The following SPOCK1 variants were observed in gnomAD, a reference collection of about 807,000 sequenced individuals.
SPOCK1 encodes the protein SPARC (osteonectin), cwcv and kazal like domains proteoglycan 1.
In SPOCK1, 23 loss-of-function variants were observed where a neutral mutation model predicts 55.3. That is an observed-to-expected ratio of 0.42 (90% CI 0.30 to 0.59). SPOCK1 has a LOEUF of 0.59. SPOCK1 is among the 20% of genes least tolerant of loss of function. SPOCK1 has a pLI of 0.22. For missense variants in SPOCK1, 499 were observed against 552.5 expected (o/e 0.90, Z 0.97); for synonymous variants, 226 against 221.0 (o/e 1.02, Z -0.20).
intron 2 of SPOCK1, among the ~76,000 whole-genome samples, chr5:137,393,472 G>A (rs764077085): frequency 2.0e-5 from 3 of 152,234 alleles, no homozygotes; most frequent in Non-Finnish European, 2.9e-5. Flanking sequence ...GCCAAGGTGA[G>A]TCAACCCTAG....
chr5:137,317,843 G>A (rs1194665649), intron 2 of SPOCK1, among the ~76,000 whole-genome samples: 7 of 152,176 alleles, frequency 4.6e-5, no homozygotes, highest in African/African-American at 1.7e-4. Flanking sequence ...TCCATCAGAT[G>A]AAACTAGTTT....
intron 5 of SPOCK1, among the ~76,000 whole-genome samples, chr5:137,106,951 G>A (rs1044764498): frequency 7.9e-5 from 12 of 151,638 alleles, no homozygotes; most frequent in African/African-American, 1.5e-4. Context: ...TCACCTCTTC[G>A]ACCCCCTCCT....
At chr5:137,167,885 C>CA (rs1350085314) in intron 3 of SPOCK1, among the ~76,000 whole-genome samples, 2 of 151,758 alleles carry the variant, frequency 1.3e-5, no homozygotes, top group East Asian at 1.9e-4. Flanking sequence ...AGAAAAATGT[C>CA]AAAAAACAAC....
At position 137,430,061 on chromosome 5, in the gene SPOCK1, G is replaced by A. The variant is rs1036075010; in HGVS notation, c.186+68312C>T. On this transcript the variant is annotated intron_variant, in intron 2 of 10. Coordinates refer to ENST00000394945, the MANE Select transcript of SPOCK1 (RefSeq NM_004598.4). ...GCAGGAGAGCATTTCATATTGAGCA[G>A]TTGCTGCTCCCCCAGGCAGCTGGTA... 2.0e-5 allele frequency among the ~76,000 whole-genome samples: 3 copies of A among 152,200 alleles called. 1 individual carries two copies. In the South Asian group the frequency reaches 6.2e-4, roughly 32 times the overall value.
intron 3 of SPOCK1, among the ~76,000 whole-genome samples, chr5:137,258,595 C>G (rs902241138): frequency 6.6e-6 from 1 of 152,184 alleles, no homozygotes; most frequent in Non-Finnish European, 1.5e-5. Context: ...CAAACCAAGG[C>G]TGGTTCATTA....
chr5:137,226,948 A>T lies in SPOCK1; in HGVS notation c.232+40062T>A, dbSNP rs539318235. Among the ~76,000 whole-genome samples, 20 of 152,336 alleles carry T rather than the reference A, an allele frequency of 1.3e-4. 1 individual carries two copies. The East Asian group carries it at 3.9e-3, about 29-fold the overall frequency. On this transcript the variant is annotated intron_variant, in intron 3 of 10. Coordinates refer to ENST00000394945, the MANE Select transcript of SPOCK1 (RefSeq NM_004598.4). ...AATGTGATGTAACAGGTGCTCAAGA[A>T]ATATTTATAAATGAATGCATGGATA...
At chr5:137,361,463 G>A (rs762490123) in intron 2 of SPOCK1, among the ~76,000 whole-genome samples, 2 of 152,184 alleles carry the variant, frequency 1.3e-5, no homozygotes, top group South Asian at 4.1e-4. Flanking sequence ...GCATGGGTGG[G>A]TGGAAGCATG....
chr5:137,102,322 G>A (rs1489136317), intron 5 of SPOCK1, among the ~76,000 whole-genome samples: 1 of 152,160 alleles, frequency 6.6e-6, no homozygotes, highest in African/African-American at 2.4e-5. Flanking sequence ...TAAAACATGA[G>A]TAAATTTGTT....
At chr5:137,482,192 G>A in intron 2 of SPOCK1, among the ~76,000 whole-genome samples, 1 of 152,182 alleles carries the variant, frequency 6.6e-6, no homozygotes, top group East Asian at 1.9e-4. Flanking sequence ...CATGGCATGG[G>A]CCACATGGTA....
At chr5:137,431,132 T>C (rs893222885) in intron 2 of SPOCK1, among the ~76,000 whole-genome samples, 1 of 152,154 alleles carries the variant, frequency 6.6e-6, no homozygotes, top group African/African-American at 2.4e-5. Flanking sequence ...TTAGCTCTGA[T>C]GTTGTTGAGC....
chr5:137,369,973 C>T (rs1201652530), intron 2 of SPOCK1, among the ~76,000 whole-genome samples: 1 of 152,196 alleles, frequency 6.6e-6, no homozygotes, highest in Non-Finnish European at 1.5e-5. Context: ...TCCATAGCAA[C>T]CACCAACCCC....
At chr5:137,445,997 C>G (rs957434008) in intron 2 of SPOCK1, among the ~76,000 whole-genome samples, 1 of 152,136 alleles carries the variant, frequency 6.6e-6, no homozygotes, top group Non-Finnish European at 1.5e-5. Flanking sequence ...TAAACACTTT[C>G]CTAATCAGGG....
chr5:137,228,095 C>A (rs1755980162), intron 3 of SPOCK1, among the ~76,000 whole-genome samples: 1 of 152,194 alleles, frequency 6.6e-6, no homozygotes, highest in African/African-American at 2.4e-5. Context: ...GCTTTCTGAC[C>A]AATGCCAGTT....
chr5:137,111,082 A>G (rs760341552), intron 5 of SPOCK1, among the ~76,000 whole-genome samples: 3 of 152,144 alleles, frequency 2.0e-5, no homozygotes, highest in Non-Finnish European at 4.4e-5. Flanking sequence ...TCGATAGGGA[A>G]AAGTGGTCAC....
chr5:137,392,967 T>C lies in SPOCK1; in HGVS notation c.186+105406A>G, dbSNP rs151069903. Among the ~76,000 whole-genome samples the C allele has an allele frequency of 5.3e-5, 8 of 152,300 alleles. No homozygotes were observed. The East Asian group carries it at 1.5e-3, about 29-fold the overall frequency. ...AGTCCAGCCTCTTTCTCCTAACACA[T>C]GATGCCCTGTGACTCTCCTCTGCTC... On this transcript the variant is annotated intron_variant, in intron 2 of 10. Coordinates refer to ENST00000394945, the MANE Select transcript of SPOCK1 (RefSeq NM_004598.4).
intron 2 of SPOCK1, among the ~76,000 whole-genome samples, chr5:137,310,337 G>A (rs956134433): frequency 1.1e-4 from 17 of 152,268 alleles, no homozygotes; most frequent in African/African-American, 2.9e-4. Context: ...AGCAGACCTC[G>A]CTGTAATTAT....
intron 6 of SPOCK1, among the ~76,000 whole-genome samples, chr5:137,013,505 A>G (rs1398803702): frequency 1.3e-5 from 2 of 152,226 alleles, no homozygotes; most frequent in African/African-American, 4.8e-5. Flanking sequence ...TTTTATGTGC[A>G]GTATATAATT....
intron 6 of SPOCK1, among the ~76,000 whole-genome samples, chr5:137,011,739 A>C (rs539422217): frequency 2.4e-4 from 37 of 152,338 alleles, no homozygotes; most frequent in African/African-American, 7.9e-4. Flanking sequence ...ACTCCTGGAC[A>C]AGTCAAATTA....
chr5:137,201,616 G>A (rs1755427441), intron 3 of SPOCK1, among the ~76,000 whole-genome samples: 1 of 152,136 alleles, frequency 6.6e-6, no homozygotes, highest in Non-Finnish European at 1.5e-5. Context: ...TGGTACCAAT[G>A]CCAACGTTAA....
Sources: gnomAD v4.1 joint callset for allele counts (sites outside exome capture counted in the v4.1 genomes callset) on GRCh38, gnomAD v4.1.1 for gene constraint, MANE v1.5 for transcripts, NCBI Gene and HGNC (gene_info 2026-07-23, HGNC 2026-07-21) for gene names.